The following SNTG2 variants were observed in gnomAD, a reference collection of about 807,000 sequenced individuals.
SNTG2 encodes gamma-2-syntrophin.
In SNTG2, 74 loss-of-function variants were observed where a neutral mutation model predicts 70.9. The observed-to-expected ratio is 1.04, with a 90% CI of 0.86 to 1.27. The LOEUF (loss-of-function observed/expected upper bound fraction) is 1.27, where lower values mean the gene tolerates loss of function less well. Ranked by LOEUF, SNTG2 falls within the 50% of genes most tolerant of loss-of-function variation. The pLI is 0.00. For synonymous variants in SNTG2, 278 were observed against 273.8 expected (o/e 1.02, Z -0.15); for missense variants, 717 against 690.7 (o/e 1.04, Z -0.43).
chr2:1,265,853 C>T (rs1678700606), intron 13 of SNTG2, among the ~76,000 whole-genome samples: 1 of 152,202 alleles, frequency 6.6e-6, no homozygotes, highest in African/African-American at 2.4e-5. Context: ...GGGTGAACAC[C>T]ACATTCTCAT....
At chr2:965,521 T>TGGTGAAGA (rs1168385919) in intron 1 of SNTG2, among the ~76,000 whole-genome samples, 1 of 149,008 alleles carries the variant, frequency 6.7e-6, no homozygotes, top group African/African-American at 2.5e-5. Context: ...GGTCCCCTCC[T>TGGTGAAGA]CCTGGCCTCT....
intron 12 of SNTG2, 90 bp from the exon 13 acceptor site, chr2:1,259,280 C>A (rs1678288292): frequency 3.8e-6 from 4 of 1,058,804 alleles, no homozygotes; most frequent in South Asian, 1.4e-5. Context: ...TTGAGGTGGA[C>A]ACACATGCAG....
chr2:1,297,543 C>A (rs1680271330), intron 14 of SNTG2, among the ~76,000 whole-genome samples: 1 of 150,580 alleles, frequency 6.6e-6, no homozygotes, highest in African/African-American at 2.5e-5. Context: ...CTCTGCAGCT[C>A]CTTCCCAGCA....
chr2:1,233,909 C>T (rs1676433900), intron 9 of SNTG2, among the ~76,000 whole-genome samples: 1 of 151,988 alleles, frequency 6.6e-6, no homozygotes, highest in Non-Finnish European at 1.5e-5. Flanking sequence ...TCGGTGGACC[C>T]CGGGGTGCCA....
At chr2:1,297,800 G>A (rs1680286378) in intron 14 of SNTG2, among the ~76,000 whole-genome samples, 1 of 152,230 alleles carries the variant, frequency 6.6e-6, no homozygotes. Context: ...TCCACGTTAG[G>A]ACCATGTGAT....
intron 1 of SNTG2, among the ~76,000 whole-genome samples, chr2:1,039,274 A>G (rs1661295990): frequency 6.6e-6 from 1 of 152,200 alleles, no homozygotes. Flanking sequence ...CTGACTCTGA[A>G]ATATGTGTAC....
At chr2:1,151,509 A>G (rs1372512737) in intron 6 of SNTG2, among the ~76,000 whole-genome samples, 1 of 152,162 alleles carries the variant, frequency 6.6e-6, no homozygotes, top group Non-Finnish European at 1.5e-5. Flanking sequence ...CAGGAACACC[A>G]GACACCAAAC....
chr2:1,215,775 A>G (rs1357496114), intron 9 of SNTG2, among the ~76,000 whole-genome samples: 2 of 143,702 alleles, frequency 1.4e-5, no homozygotes, highest in Non-Finnish European at 1.5e-5. Context: ...TCATTGTTCA[A>G]TTCCCACCTA....
chr2:1,080,032 G>C (rs1034061886), intron 1 of SNTG2, among the ~76,000 whole-genome samples: 15 of 152,184 alleles, frequency 9.9e-5, no homozygotes, highest in Non-Finnish European at 1.9e-4. Context: ...TCCGGGTCCT[G>C]CTCCTTATTA....
intron 16 of SNTG2, among the ~76,000 whole-genome samples, chr2:1,339,474 A>G (rs780287026): frequency 2.0e-5 from 3 of 152,200 alleles, no homozygotes; most frequent in Non-Finnish European, 2.9e-5. Flanking sequence ...AACATGTGCT[A>G]GTTGGGGCTG....
intron 16 of SNTG2, among the ~76,000 whole-genome samples, chr2:1,320,166 TC>T (rs1681453242): frequency 6.6e-6 from 1 of 152,142 alleles, no homozygotes; most frequent in Non-Finnish European, 1.5e-5. Context: ...CTTGAGTTTC[TC>T]CTGAAATCTA....
At chr2:1,169,724 G>A (rs906863183) in intron 7 of SNTG2, among the ~76,000 whole-genome samples, 8 of 152,188 alleles carry the variant, frequency 5.3e-5, no homozygotes, top group Non-Finnish European at 1.0e-4. Flanking sequence ...CATCCTGAGC[G>A]GGGCTGTGCT....
chr2:1,133,824 C>G (rs1039601959), intron 4 of SNTG2, among the ~76,000 whole-genome samples: 1 of 152,208 alleles, frequency 6.6e-6, no homozygotes, highest in Non-Finnish European at 1.5e-5. Context: ...CTCCCTTTCA[C>G]TGAACCAAAA....
chr2:1,269,307 C>A (rs1678903893), intron 14 of SNTG2, among the ~76,000 whole-genome samples: 1 of 152,040 alleles, frequency 6.6e-6, no homozygotes, highest in African/African-American at 2.4e-5. Flanking sequence ...AATTAGAGAC[C>A]AGCCCAGGCA....
chr2:1,157,571 T>C (rs888667504), intron 6 of SNTG2, among the ~76,000 whole-genome samples: 2 of 152,208 alleles, frequency 1.3e-5, no homozygotes, highest in African/African-American at 4.8e-5. Flanking sequence ...TGGGTTTCAA[T>C]GTTGAAAGGA....
intron 1 of SNTG2, among the ~76,000 whole-genome samples, chr2:958,512 G>T (rs987630194): frequency 9.2e-5 from 14 of 151,746 alleles, no homozygotes; most frequent in Admixed American, 6.5e-5. Flanking sequence ...GCAAAGATAT[G>T]ACATTTTATT....
chr2:1,299,114 C>T (rs923167881), intron 14 of SNTG2, among the ~76,000 whole-genome samples: 2 of 152,196 alleles, frequency 1.3e-5, no homozygotes, highest in African/African-American at 4.8e-5. Flanking sequence ...CTGACTAATA[C>T]AAGATACTTT....
At chr2:1,271,821 C>T (rs1418208322) in intron 14 of SNTG2, among the ~76,000 whole-genome samples, 10 of 152,106 alleles carry the variant, frequency 6.6e-5, no homozygotes, top group Non-Finnish European at 8.8e-5. Context: ...CTAGGGAATG[C>T]CATTGGCTGA....
intron 1 of SNTG2, among the ~76,000 whole-genome samples, chr2:1,058,467 C>T (rs542538742): frequency 1.3e-5 from 2 of 152,262 alleles, no homozygotes; most frequent in African/African-American, 4.8e-5. Flanking sequence ...GGTTTATTGG[C>T]AGTATTTTAA....
Sources: allele counts gnomAD v4.1 joint callset (sites outside exome capture counted in the v4.1 genomes callset), GRCh38; gene constraint gnomAD v4.1.1; transcripts MANE v1.5; gene names NCBI Gene and HGNC (gene_info 2026-07-23, HGNC 2026-07-21).